The following EHMT1 variants were observed in gnomAD, a reference collection of about 807,000 sequenced individuals.
EHMT1 encodes the protein euchromatic histone lysine methyltransferase 1.
EHMT1 carries 15 observed loss-of-function variants against 147.2 expected under a neutral mutation model. The ratio of observed to expected loss-of-function variants is 0.10; its 90% CI spans 0.07 to 0.16. EHMT1 has a LOEUF of 0.16. EHMT1 is among the 10% of genes least tolerant of loss of function. The pLI, the probability that EHMT1 is intolerant of heterozygous loss-of-function variation, is 1.00. For missense variants in EHMT1, 1,587 were observed against 1,772.4 expected (o/e 0.90, Z 1.88); for synonymous variants, 795 against 709.6 (o/e 1.12, Z -1.91).
rs116907014 is a variant in EHMT1, at chr9:137,786,174, G to T, written c.2382+3777G>T. ...GTGCCGTGAAATAACATGATGTATT[G>T]GGAGGAAATCATTATGTCCCTTGGT... On this transcript the variant is annotated intron_variant, in intron 15 of 26. Transcript: ENST00000460843. The surrounding 1 kb of genome is among the most constrained non-coding windows in gnomAD (Gnocchi z 4.3). 1 of 152,244 alleles carries T rather than the reference G, an allele frequency of 6.6e-6. No individual in the cohort carries two copies. Among genetic ancestry groups the T allele is most frequent in the African/African-American group, 2.4e-5 (1 of 41,460 alleles). The allele number at this position is 152,244 out of a possible 1,614,324, so 9.4% of individuals were successfully genotyped here.
At chr9:137,621,542 A>G (rs1387988576) in intron 1 of EHMT1, among the ~76,000 whole-genome samples, 1 of 152,172 alleles carries the variant, frequency 6.6e-6, no homozygotes, top group South Asian at 2.1e-4. Flanking sequence ...TACTGAAAAT[A>G]CAAAAATTAT....
At chr9:137,650,666 C>CTTT (rs75230304) in intron 1 of EHMT1, among the ~76,000 whole-genome samples, 15 of 121,576 alleles carry the variant, frequency 1.2e-4, no homozygotes, top group South Asian at 2.7e-4. Context: ...GGACCCCCCG[C>CTTT]TTTTTTTTTT....
chr9:137,801,349 T>C (rs529998715), intron 18 of EHMT1, among the ~76,000 whole-genome samples: 2 of 152,264 alleles, frequency 1.3e-5, no homozygotes, highest in Non-Finnish European at 2.9e-5. Flanking sequence ...ATGGATGGAG[T>C]CTCGCTCTGT....
intron 1 of EHMT1, among the ~76,000 whole-genome samples, chr9:137,686,368 T>C (rs1254710258): frequency 6.6e-6 from 1 of 152,146 alleles, no homozygotes; most frequent in South Asian, 2.1e-4. Context: ...TTATCTATTT[T>C]GAGGCAGTTT....
intron 1 of EHMT1, among the ~76,000 whole-genome samples, chr9:137,695,944 A>T (rs1943363370): frequency 6.6e-6 from 1 of 152,226 alleles, no homozygotes; most frequent in Non-Finnish European, 1.5e-5. Context: ...AACTGGACAA[A>T]GGCAGTAGTA....
At chr9:137,698,334 C>T (rs1004201028) in intron 1 of EHMT1, among the ~76,000 whole-genome samples, 1 of 152,186 alleles carries the variant, frequency 6.6e-6, no homozygotes, top group African/African-American at 2.4e-5. Flanking sequence ...TGGTAAACTA[C>T]CTTATTAATC....
chr9:137,800,938 T>G lies in EHMT1; in HGVS notation c.2666T>G (p.Val889Gly). 1 of 1,614,072 alleles carries G rather than the reference T, an allele frequency of 6.2e-7. No individual in the cohort carries two copies. The highest frequency in any genetic ancestry group is 8.5e-7 in the Non-Finnish European group (1 of 1,180,006). The change falls in exon 18 of 27, where the codon GTG becomes GGG. Residue 889 changes from valine (V) to glycine (G), a missense_variant. By Grantham distance (109) the Val-to-Gly change is moderately radical (BLOSUM62 -3). Transcript: ENST00000460843. ...ACAGAGTACAAGCACGTGGACCTCGTGAAGCTGCTGCTGTCCAAGGGCTCT... is the reference window on the plus strand; with the variant it reads ...ACAGAGTACAAGCACGTGGACCTCGGGAAGCTGCTGCTGTCCAAGGGCTCT... ...WATEYKHVDL[V>G]KLLLSKGSDI...
In EHMT1 at chr9:137,813,718, G is replaced by C. The variant is rs1417733948; in HGVS notation, c.3180+188G>C. 6.6e-6 allele frequency among the ~76,000 whole-genome samples: 1 copy of C among 152,194 alleles called. No individual in the cohort carries two copies. The highest frequency in any genetic ancestry group is 2.4e-5 in the African/African-American group (1 of 41,446). On this transcript the variant is annotated intron_variant, in intron 21 of 26. Coordinates refer to ENST00000460843, the MANE Select transcript of EHMT1 (RefSeq NM_024757.5). This position sits in a 1 kb window ranked among gnomAD's most constrained non-coding sequence, Gnocchi z 4.9. ...TGGAAGGCAGATAAAGGTTCTGTCA[G>C]GCCCAGCCCTGGGCCCTCTCATTGC...
chr9:137,706,805 A>G (rs1159814625), intron 1 of EHMT1, among the ~76,000 whole-genome samples: 1 of 151,252 alleles, frequency 6.6e-6, no homozygotes. Flanking sequence ...TTATTGAGAC[A>G]TTATTTATCT....
intron 25 of EHMT1, among the ~76,000 whole-genome samples, chr9:137,820,972 G>A (rs1955367170): frequency 6.6e-6 from 1 of 152,234 alleles, no homozygotes. Flanking sequence ...CCGCCTCCCA[G>A]GTTCACGCCA....
intron 23 of EHMT1, 83 bp from the exon 24 acceptor site, chr9:137,817,356 G>A (rs1426625370): frequency 9.4e-6 from 14 of 1,488,488 alleles, no homozygotes; most frequent in Non-Finnish European, 9.4e-6. Context: ...TTTCAGTGAC[G>A]TGGCACCAGC....
chr9:137,825,670 A>G (rs1332518882), intron 25 of EHMT1, among the ~76,000 whole-genome samples: 3 of 152,174 alleles, frequency 2.0e-5, no homozygotes, highest in African/African-American at 7.2e-5. Flanking sequence ...TGATGGATAG[A>G]AATAGAGTAG....
At chr9:137,800,567 G>T (rs1357375204) in intron 17 of EHMT1, 2 of 438,380 alleles carry the variant, frequency 4.6e-6, no homozygotes, top group Non-Finnish European at 8.5e-6. Flanking sequence ...GTTGCACGCA[G>T]CTGTGTTGGT....
chr9:137,815,881 G>A, intron 22 of EHMT1, 66 bp from the exon 23 acceptor site: 1 of 1,347,706 alleles, frequency 7.4e-7, no homozygotes, highest in South Asian at 1.3e-5. Context: ...GTAGAAATGG[G>A]TTGATGTCAG....
At chr9:137,789,488 C>T (rs7870886) in intron 15 of EHMT1, among the ~76,000 whole-genome samples, 143,168 of 152,278 alleles carry the variant, frequency 0.94, 67,325 homozygotes, top group East Asian at 1. Context: ...GCTTACTATT[C>T]GTTAAAAATT....
chr9:137,669,437 C>CCCACAGCA (rs1564562935), intron 1 of EHMT1, among the ~76,000 whole-genome samples: 2 of 1,404 alleles, frequency 1.4e-3, no homozygotes, highest in African/African-American at 9.3e-3. Flanking sequence ...CAAGACGCCG[C>CCCACAGCA]CCACAGCACG....
At chr9:137,630,834 G>A (rs1333494870) in intron 1 of EHMT1, among the ~76,000 whole-genome samples, 1 of 152,166 alleles carries the variant, frequency 6.6e-6, no homozygotes, top group Admixed American at 6.5e-5. Context: ...GGCATGAGAT[G>A]AAGCTGGAGA....
chr9:137,828,735 G>A lies in EHMT1; in HGVS notation c.3541-5614G>A, dbSNP rs1255573743. The stretch of plus-strand genomic sequence containing the variant: ...GAGCATCTCTAAGGCCGGTGGTTCT[G>A]GACAGAAAAACCACAAAAATGAGAA... On this transcript the variant is annotated intron_variant, in intron 25 of 26. Coordinates refer to ENST00000460843, the MANE Select transcript of EHMT1 (RefSeq NM_024757.5). This position sits in a 1 kb window ranked among gnomAD's most constrained non-coding sequence, Gnocchi z 5.3. 6.6e-6 allele frequency among the ~76,000 whole-genome samples: 1 copy of A among 152,104 alleles called. No homozygotes were observed. The highest frequency in any genetic ancestry group is 1.5e-5 in the Non-Finnish European group (1 of 68,018).
At chr9:137,831,228 A>G (rs1447733768) in intron 25 of EHMT1, among the ~76,000 whole-genome samples, 2 of 152,186 alleles carry the variant, frequency 1.3e-5, no homozygotes, top group African/African-American at 4.8e-5. Context: ...TGCAGTAACC[A>G]TCAGCAGAAA....
Sources: gnomAD v4.1 joint callset for allele counts (sites outside exome capture counted in the v4.1 genomes callset) on GRCh38, gnomAD v4.1.1 for gene constraint, Gnocchi (gnomAD v3.1) non-coding constraint, MANE v1.5 for transcripts, NCBI Gene and HGNC (gene_info 2026-07-23, HGNC 2026-07-21) for gene names.